CAMK1D: variants seen among roughly 807,000 people sequenced by gnomAD.
CAMK1D encodes the protein calcium/calmodulin-dependent protein kinase type 1D.
Under a neutral mutation model 47.7 loss-of-function variants are expected in CAMK1D, and 9 were observed. The observed-to-expected ratio is 0.19, with a 90% CI of 0.11 to 0.33. CAMK1D has a LOEUF of 0.33. Among genes scored for constraint, CAMK1D ranks in the 10% least tolerant of loss-of-function variants. CAMK1D has a pLI of 1.00. For synonymous variants in CAMK1D, 184 were observed against 184.9 expected (o/e 0.99, Z 0.04); for missense variants, 291 against 488.7 (o/e 0.60, Z 3.81).
chr10:12,384,954 G>A (rs1364236697), intron 1 of CAMK1D, among the ~76,000 whole-genome samples: 3 of 152,114 alleles, frequency 2.0e-5, no homozygotes, highest in South Asian at 2.1e-4. Flanking sequence ...AATTAAAAAC[G>A]GGCCAAGGAT....
At chr10:12,416,144 ATAT>A (rs1285249331) in intron 1 of CAMK1D, 4 of 152,012 alleles carry the variant, frequency 2.6e-5, no homozygotes, top group Non-Finnish European at 2.9e-5. Context: ...CACTTTTTGG[ATAT>A]TATTCTTGTT....
At chr10:12,482,615 A>G (rs1312428875) in intron 1 of CAMK1D, among the ~76,000 whole-genome samples, 1 of 152,172 alleles carries the variant, frequency 6.6e-6, no homozygotes, top group Non-Finnish European at 1.5e-5. Context: ...CCTGAGTGCT[A>G]ATGGGTTTTT....
At chr10:12,588,866 A>ATGTGTGTG (rs61703961) in intron 2 of CAMK1D, among the ~76,000 whole-genome samples, 8 of 144,278 alleles carry the variant, frequency 5.5e-5, no homozygotes, top group Admixed American at 1.3e-4. Context: ...ATATGTATAT[A>ATGTGTGTG]TGTGTGTGTG....
At chr10:12,546,949 A>T (rs1459878775) in intron 1 of CAMK1D, among the ~76,000 whole-genome samples, 1 of 152,110 alleles carries the variant, frequency 6.6e-6, no homozygotes, top group African/African-American at 2.4e-5. Context: ...CGTAAAACTT[A>T]AAGTATAATA....
intron 1 of CAMK1D, among the ~76,000 whole-genome samples, chr10:12,484,070 A>G (rs555186361): frequency 6.6e-6 from 1 of 152,268 alleles, no homozygotes; most frequent in Admixed American, 6.5e-5. Flanking sequence ...CCGCAGCCAC[A>G]ATCCTGGACT....
intron 2 of CAMK1D, among the ~76,000 whole-genome samples, chr10:12,612,346 T>A (rs1265259871): frequency 6.7e-6 from 1 of 150,312 alleles, no homozygotes; most frequent in Non-Finnish European, 1.5e-5. Context: ...TTACTTTTTT[T>A]TTTTTTTTTT....
chr10:12,359,176 T>C (rs1244274127), intron 1 of CAMK1D, among the ~76,000 whole-genome samples: 1 of 152,210 alleles, frequency 6.6e-6, no homozygotes, highest in African/African-American at 2.4e-5. Context: ...CTGAGCCTCA[T>C]GTCCTCATCT....
chr10:12,704,465 C>T (rs1833653136), intron 3 of CAMK1D, among the ~76,000 whole-genome samples: 1 of 152,042 alleles, frequency 6.6e-6, no homozygotes, highest in South Asian at 2.1e-4. Flanking sequence ...AGATGATACC[C>T]TGTTTTCAAG....
chr10:12,769,292 C>T (rs573818053), intron 4 of CAMK1D, among the ~76,000 whole-genome samples: 1 of 152,154 alleles, frequency 6.6e-6, no homozygotes, highest in African/African-American at 2.4e-5. Flanking sequence ...AAAAATCACT[C>T]ATAAAAAGGA....
intron 1 of CAMK1D, among the ~76,000 whole-genome samples, chr10:12,512,536 G>A (rs909581277): frequency 2.0e-5 from 3 of 152,114 alleles, no homozygotes; most frequent in Admixed American, 6.6e-5. Context: ...TGGGAGACTC[G>A]GAGCTCATTA....
intron 6 of CAMK1D, among the ~76,000 whole-genome samples, chr10:12,799,834 C>A (rs1028112509): frequency 1.3e-5 from 2 of 152,274 alleles, no homozygotes; most frequent in African/African-American, 4.8e-5. Context: ...TTTTGCTGCT[C>A]ACTAGTCATG....
chr10:12,514,831 T>C (rs1354832544), intron 1 of CAMK1D, among the ~76,000 whole-genome samples: 1 of 151,484 alleles, frequency 6.6e-6, no homozygotes, highest in Non-Finnish European at 1.5e-5. Flanking sequence ...TTTATAGCCT[T>C]TATTTTATTT....
intron 6 of CAMK1D, among the ~76,000 whole-genome samples, chr10:12,810,870 G>A (rs1832574848): frequency 6.6e-6 from 1 of 152,240 alleles, no homozygotes; most frequent in Non-Finnish European, 1.5e-5. Context: ...GATGTGCAAG[G>A]ACCGTATACG....
intron 2 of CAMK1D, among the ~76,000 whole-genome samples, chr10:12,564,926 A>T (rs1837074946): frequency 6.6e-6 from 1 of 152,242 alleles, no homozygotes; most frequent in Admixed American, 6.5e-5. Context: ...TATGTCTTGG[A>T]GGCCAATCAC....
chr10:12,583,692 C>G (rs1425239268), intron 2 of CAMK1D, among the ~76,000 whole-genome samples: 1 of 151,400 alleles, frequency 6.6e-6, no homozygotes, highest in East Asian at 1.9e-4. Context: ...ACCTCCGCTT[C>G]CCAGGTTCAA....
intron 1 of CAMK1D, among the ~76,000 whole-genome samples, chr10:12,514,973 C>T (rs1436701726): frequency 6.6e-6 from 1 of 152,166 alleles, no homozygotes; most frequent in African/African-American, 2.4e-5. Context: ...GCCTCAGCCT[C>T]CTGACTAGCT....
At chr10:12,649,052 C>T (rs1284595401) in intron 2 of CAMK1D, among the ~76,000 whole-genome samples, 1 of 151,872 alleles carries the variant, frequency 6.6e-6, no homozygotes, top group Non-Finnish European at 1.5e-5. Context: ...AATGTTTTTA[C>T]AGACCGGGTT....
chr10:12,376,217 T>C (rs1233714287), intron 1 of CAMK1D, among the ~76,000 whole-genome samples: 1 of 151,388 alleles, frequency 6.6e-6, no homozygotes, highest in Non-Finnish European at 1.5e-5. Flanking sequence ...TCTATGGCGT[T>C]TGAATTTCTG....
chr10:12,543,724 GA>G (rs1268449157), intron 1 of CAMK1D, among the ~76,000 whole-genome samples: 2 of 152,196 alleles, frequency 1.3e-5, no homozygotes, highest in African/African-American at 4.8e-5. Context: ...AACTCAGGAA[GA>G]AAAGGCATTC....
Sources: allele counts gnomAD v4.1 joint callset (sites outside exome capture counted in the v4.1 genomes callset), GRCh38; gene constraint gnomAD v4.1.1; transcripts MANE v1.5; gene names NCBI Gene and HGNC (gene_info 2026-07-23, HGNC 2026-07-21).